The following LRRTM4 variants were observed in gnomAD, a reference collection of about 807,000 sequenced individuals.
LRRTM4 encodes the protein leucine-rich repeat transmembrane neuronal protein 4.
In LRRTM4, 25 loss-of-function variants were observed where a neutral mutation model predicts 47.6. That is an observed-to-expected ratio of 0.53 (90% CI 0.38 to 0.73). LRRTM4 has a LOEUF of 0.73. Ranked by LOEUF, LRRTM4 falls within the 30% of genes least tolerant of loss-of-function variation. LRRTM4 has a pLI of 0.00. For synonymous variants in LRRTM4, 311 were observed against 269.5 expected, an observed-to-expected ratio of 1.15 and a Z score of -1.51; for missense variants, 638 against 713.4, an observed-to-expected ratio of 0.89 and a Z score of 1.20.
At chr2:76,864,413 T>G (rs1672405721) in intron 3 of LRRTM4, among the ~76,000 whole-genome samples, 1 of 151,888 alleles carries the variant, frequency 6.6e-6, no homozygotes, top group Admixed American at 6.6e-5. Flanking sequence ...ATCCAAGCAC[T>G]TTGGGAGGCC....
rs192338047 is a variant in LRRTM4 at position 77,308,748 on chromosome 2, G to C, written c.1551+209570C>G. On this transcript the variant is annotated intron_variant, in intron 3 of 3. Transcript: ENST00000409884. ...GACCTACTGTCTCTTAGGCCAAATT[G>C]TTTTGTTTTCTTTTTTGTTCTTTTG... Among the ~76,000 whole-genome samples the C allele has an allele frequency of 1.3e-3, 183 of 144,330 alleles. 1 individual carries two copies. Among genetic ancestry groups the C allele is most frequent in the African/African-American group, 4.4e-3 (173 of 38,920 alleles). The allele number at this position is 144,330 out of a possible 152,430, so 94.7% of individuals were successfully genotyped here. A position where few individuals can be genotyped will look rare whatever the true frequency, so the allele number is the denominator to read the frequency against.
At chr2:76,881,947 T>C (rs149518193) in intron 3 of LRRTM4, among the ~76,000 whole-genome samples, 50 of 152,312 alleles carry the variant, frequency 3.3e-4, no homozygotes, top group African/African-American at 1.1e-3. Flanking sequence ...TTTACTTAAC[T>C]TCCTGATTGG....
chr2:76,960,245 A>G (rs1256992902), intron 3 of LRRTM4, among the ~76,000 whole-genome samples: 1 of 151,758 alleles, frequency 6.6e-6, no homozygotes, highest in Non-Finnish European at 1.5e-5. Flanking sequence ...TTTCAAGTGT[A>G]TCAGCTAGTT....
chr2:77,162,915 T>C (rs1385710906), intron 3 of LRRTM4, among the ~76,000 whole-genome samples: 19 of 152,142 alleles, frequency 1.2e-4, no homozygotes, highest in Admixed American at 1.2e-3. Context: ...AGAGCACCTC[T>C]TCTCCTCCAA....
chr2:77,160,712 A>G (rs1469019554), intron 3 of LRRTM4, among the ~76,000 whole-genome samples: 2 of 152,124 alleles, frequency 1.3e-5, no homozygotes, highest in African/African-American at 4.8e-5. Context: ...TACACTTGCA[A>G]AAAAACAGTG....
At chr2:77,340,408 C>T (rs1671331520) in intron 3 of LRRTM4, among the ~76,000 whole-genome samples, 1 of 151,966 alleles carries the variant, frequency 6.6e-6, no homozygotes, top group African/African-American at 2.4e-5. Context: ...ATAAAGATTA[C>T]ATGACTTAAT....
intron 3 of LRRTM4, among the ~76,000 whole-genome samples, chr2:76,998,434 A>G (rs1309442200): frequency 6.6e-6 from 1 of 152,068 alleles, no homozygotes; most frequent in Non-Finnish European, 1.5e-5. Flanking sequence ...TACTATCTAT[A>G]TTATAATCAA....
Position 77,083,090 on chromosome 2 carries a change from G to A in LRRTM4, c.1552-334174C>T, listed in dbSNP as rs573749768. Among the ~76,000 whole-genome samples the A allele has an allele frequency of 8.9e-4, 135 of 152,108 alleles. 1 individual carries two copies. Among genetic ancestry groups the A allele is most frequent in the African/African-American group, 3.1e-3 (127 of 41,496 alleles). On this transcript the variant is annotated intron_variant, in intron 3 of 3. Coordinates refer to ENST00000409884, the MANE Select transcript of LRRTM4 (RefSeq NM_001134745.3). The stretch of plus-strand genomic sequence containing the variant: ...CTGTATTCTTATGTTTCTGTTTTTA[G>A]TAAATATATTCAGATTCATTCATTA...
intron 3 of LRRTM4, among the ~76,000 whole-genome samples, chr2:76,819,765 T>A (rs528262725): frequency 5.9e-5 from 9 of 152,096 alleles, no homozygotes; most frequent in Non-Finnish European, 1.2e-4. Flanking sequence ...AATTTGCTCA[T>A]ATTTCAGCAG....
chr2:77,096,553 CAA>C (rs1558578420), intron 3 of LRRTM4, among the ~76,000 whole-genome samples: 5 of 151,006 alleles, frequency 3.3e-5, no homozygotes, highest in African/African-American at 4.8e-5. Flanking sequence ...GAATAAAAGA[CAA>C]AATGAGAGTT....
chr2:77,119,118 A>C (rs1436410648), intron 3 of LRRTM4, among the ~76,000 whole-genome samples: 1 of 151,858 alleles, frequency 6.6e-6, no homozygotes, highest in Non-Finnish European at 1.5e-5. Context: ...AAGAATCCAC[A>C]ATTTCAATGA....
intron 3 of LRRTM4, among the ~76,000 whole-genome samples, chr2:77,235,780 C>T (rs1383029597): frequency 6.6e-6 from 1 of 152,050 alleles, no homozygotes; most frequent in East Asian, 1.9e-4. Context: ...GAGTCCTTTC[C>T]TCATTGGTTA....
At chr2:77,084,371 G>C (rs1680639469) in intron 3 of LRRTM4, among the ~76,000 whole-genome samples, 1 of 152,172 alleles carries the variant, frequency 6.6e-6, no homozygotes, top group Non-Finnish European at 1.5e-5. Flanking sequence ...CCTACGTCCT[G>C]AGGACTTTGT....
chr2:77,405,430 A>G (rs984516900), intron 3 of LRRTM4, among the ~76,000 whole-genome samples: 1 of 152,044 alleles, frequency 6.6e-6, no homozygotes, highest in Non-Finnish European at 1.5e-5. Flanking sequence ...ATGGAACAAC[A>G]TGCACTTTCT....
chr2:76,918,464 T>C (rs1022349134), intron 3 of LRRTM4, among the ~76,000 whole-genome samples: 13 of 152,192 alleles, frequency 8.5e-5, no homozygotes, highest in African/African-American at 3.1e-4. Flanking sequence ...TTAAGATACA[T>C]TTGTCTAATA....
chr2:77,254,469 C>A lies in LRRTM4; in HGVS notation c.1551+263849G>T, dbSNP rs574453816. On this transcript the variant is annotated intron_variant, in intron 3 of 3. Transcript: ENST00000409884. ...AAACAGAATGGAATTAATAAAGGAACAAACCTTGGAATATTAAGAAGGAAG... is the reference window on the plus strand; with the variant it reads ...AAACAGAATGGAATTAATAAAGGAAAAAACCTTGGAATATTAAGAAGGAAG... 1.3e-4 allele frequency among the ~76,000 whole-genome samples: 20 copies of A among 151,712 alleles called. No homozygotes were observed. The South Asian group carries it at 3.3e-3, about 25-fold the overall frequency.
At chr2:77,440,567 ATGT>A (rs1279566422) in intron 3 of LRRTM4, among the ~76,000 whole-genome samples, 13 of 152,234 alleles carry the variant, frequency 8.5e-5, no homozygotes, top group African/African-American at 3.1e-4. Flanking sequence ...ATCTTTTAGA[ATGT>A]TAATTTCAAA....
chr2:77,001,492 T>A (rs1038438444), intron 3 of LRRTM4, among the ~76,000 whole-genome samples: 15 of 152,094 alleles, frequency 9.9e-5, no homozygotes, highest in African/African-American at 3.4e-4. Flanking sequence ...GGATTAAACA[T>A]TCCTTTTCTC....
intron 3 of LRRTM4, among the ~76,000 whole-genome samples, chr2:77,233,379 A>G (rs1047116749): frequency 3.3e-5 from 5 of 152,198 alleles, no homozygotes; most frequent in Non-Finnish European, 7.3e-5. Flanking sequence ...TTATAACAGA[A>G]AAGTTGAAAT....
Sources: gnomAD v4.1 joint callset for allele counts (sites outside exome capture counted in the v4.1 genomes callset) on GRCh38, gnomAD v4.1.1 for gene constraint, MANE v1.5 for transcripts, NCBI Gene and HGNC (gene_info 2026-07-23, HGNC 2026-07-21) for gene names.